The following CHAF1B variants were observed in gnomAD, a reference collection of about 807,000 sequenced individuals.
The protein encoded by CHAF1B is CAF-1 subunit B.
In CHAF1B, 10 loss-of-function variants were observed where a neutral mutation model predicts 60.7. The ratio of observed to expected loss-of-function variants is 0.16; its 90% confidence interval spans 0.10 to 0.28. CHAF1B has a LOEUF of 0.28. CHAF1B is among the 10% of genes least tolerant of loss of function. CHAF1B has a pLI of 1.00. For missense variants in CHAF1B, 558 were observed against 708.4 expected (o/e 0.79, Z 2.41); for synonymous variants, 261 against 266.1 (o/e 0.98, Z 0.19).
intron 10 of CHAF1B, among the ~76,000 whole-genome samples, chr21:36,410,810 G>A (rs765151295): frequency 2.6e-5 from 4 of 151,726 alleles, no homozygotes; most frequent in Non-Finnish European, 2.9e-5. Flanking sequence ...ACAGGTGTGC[G>A]CCACCACACC....
At position 36,394,336 on chromosome 21, in the gene CHAF1B, A is replaced by T. The variant is rs550852887; in HGVS notation, c.378-211A>T. 4.7e-4 allele frequency among the ~76,000 whole-genome samples: 72 copies of T among 152,206 alleles called. 1 individual carries two copies. The highest frequency in any genetic ancestry group is 1.6e-3 in the African/African-American group (68 of 41,514). ...GTGATCTGCCTGCCTCGGCCTCCCA[A>T]AGTGCTGGGATTACAGGCGTGAGCC... On this transcript the variant is annotated intron_variant, in intron 4 of 13. Coordinates refer to ENST00000314103, the MANE Select transcript of CHAF1B (RefSeq NM_005441.3).
At chr21:36,389,798 T>TGCGC (rs1389760338) in intron 3 of CHAF1B, among the ~76,000 whole-genome samples, 325 of 97,608 alleles carry the variant, frequency 3.3e-3, no homozygotes, top group South Asian at 0.013. Flanking sequence ...TGTGTGTGTG[T>TGCGC]GTGCGCGCGC....
chr21:36,399,515 C>T lies in CHAF1B; in HGVS notation c.579-6C>T. On this transcript the variant is annotated splice_polypyrimidine_tract_variant and splice_region_variant and intron_variant, in intron 6 of 13. Transcript: ENST00000314103. ...AAGTGGTAAATCAGACATGTTCTTT[C>T]TTCAGGGTGCTGCGAGTATACAGTA... is the stretch of plus-strand genomic sequence containing the variant. 1.9e-6 allele frequency: 3 copies of T among 1,612,482 alleles called. No homozygotes were observed. Among genetic ancestry groups the T allele is most frequent in the Non-Finnish European group, 1.7e-6 (2 of 1,179,082 alleles).
intron 3 of CHAF1B, among the ~76,000 whole-genome samples, chr21:36,388,347 G>A (rs199898351): frequency 6.6e-6 from 1 of 152,130 alleles, no homozygotes; most frequent in African/African-American, 2.4e-5. Context: ...CAAGCAAGGC[G>A]ACTGTTCTGG....
At chr21:36,408,720 A>G (rs768917269) in intron 8 of CHAF1B, 41 bp from the exon 9 acceptor site, 2 of 1,439,736 alleles carry the variant, frequency 1.4e-6, no homozygotes, top group South Asian at 2.3e-5. Flanking sequence ...TTGCTGAAAC[A>G]GTGACTTTTC....
intron 11 of CHAF1B, among the ~76,000 whole-genome samples, chr21:36,412,282 C>T (rs2086283769): frequency 6.6e-6 from 1 of 152,158 alleles, no homozygotes; most frequent in African/African-American, 2.4e-5. Flanking sequence ...CAAGCTGGGC[C>T]TGTGTAGAGG....
chr21:36,387,681 T>C lies in CHAF1B; in HGVS notation c.210T>C (p.Asn70=), dbSNP rs2086045516. ...SNLARHTKAV[N]VVRFSPTGEI... ...TTGCTCGTCATACCAAAGCCGTCAA[T>C]GTTGTGCGTTTTTCTCCAACTGGGG... The change falls in exon 3 of 14, where the codon AAT becomes AAC. Residue 70 remains asparagine (N), a synonymous_variant. Transcript: ENST00000314103. 1.2e-5 allele frequency: 20 copies of C among 1,614,108 alleles called. No individual in the cohort carries two copies. The highest frequency in any genetic ancestry group is 1.6e-5 in the Non-Finnish European group (19 of 1,180,042).
chr21:36,416,492 A>C lies in CHAF1B; in HGVS notation c.*126A>C. 3.2e-6 allele frequency: 2 copies of C among 633,002 alleles called. No individual in the cohort carries two copies. Among genetic ancestry groups the C allele is most frequent in the Non-Finnish European group, 2.7e-6 (1 of 374,194 alleles). 39.2% of individuals were successfully genotyped at this position (633,002 alleles called of 1,614,324 possible). A position where few individuals can be genotyped will look rare whatever the true frequency, so the allele number is the denominator to read the frequency against. On this transcript the variant is annotated 3_prime_UTR_variant, in exon 14 of 14. Coordinates refer to ENST00000314103, the MANE Select transcript of CHAF1B (RefSeq NM_005441.3). ...CACACTGTAAATGGATTTCTATAAC[A>C]GAAGTGACATGTGTACTGATTTTTC...
intron 11 of CHAF1B, 189 bp from the exon 12 acceptor site, chr21:36,412,695 G>T: frequency 1.6e-6 from 1 of 609,942 alleles, no homozygotes; most frequent in Middle Eastern, 4.4e-4. Flanking sequence ...GCACAGATAG[G>T]TTGCAGCGAC....
chr21:36,387,868 G>A (rs1443276053), intron 3 of CHAF1B, 138 bp downstream of exon 3: 2 of 1,088,464 alleles, frequency 1.8e-6, no homozygotes, highest in Non-Finnish European at 2.6e-6. Flanking sequence ...CCCCAGGCTG[G>A]AGTGCAGTGG....
Position 36,387,612 on chromosome 21 carries a change from A to C in CHAF1B, c.141A>C (p.Glu47Asp). 1.2e-6 allele frequency: 2 copies of C among 1,614,182 alleles called. No homozygotes were observed. The highest frequency in any genetic ancestry group is 1.7e-6 in the Non-Finnish European group (2 of 1,180,018). The change falls in exon 3 of 14, where the codon GAA (glutamate) becomes GAC (aspartate). Residue 47 changes from glutamate to aspartate, a missense_variant. This residue lies in a region of CHAF1B where 325 missense variants were observed against 493.5 expected (regional missense o/e 0.66). Coordinates refer to ENST00000314103, the MANE Select transcript of CHAF1B (RefSeq NM_005441.3). The part of the protein sequence containing the change: ...VDTNVRIWKV[E>D]KGPDGKAIVE... ...GGTATTGACAGATCTGGAAGGTAGA[A>C]AAGGGACCAGATGGAAAAGCCATCG...
rs1408564140 is a variant in CHAF1B, at chr21:36,417,833, C to T, written c.*1467C>T. 9 of 152,198 alleles carry T rather than the reference C, an allele frequency of 5.9e-5. No homozygotes were observed. Among genetic ancestry groups the T allele is most frequent in the Admixed American group, 5.2e-4 (8 of 15,252 alleles). 9.4% of individuals were successfully genotyped at this position (152,198 alleles called of 1,614,324 possible). On this transcript the variant is annotated 3_prime_UTR_variant, in exon 14 of 14. Coordinates refer to ENST00000314103, the MANE Select transcript of CHAF1B (RefSeq NM_005441.3). Reference sequence around the variant, plus strand: ...CATACTGAAATCACCTAAGAGCTGACATACCAGTGCCTGGGTTCCCGCTTC... The same window carrying T: ...CATACTGAAATCACCTAAGAGCTGATATACCAGTGCCTGGGTTCCCGCTTC...
chr21:36,385,966 C>T, intron 1 of CHAF1B, 94 bp from the exon 2 acceptor site: 1 of 681,710 alleles, frequency 1.5e-6, no homozygotes, highest in Middle Eastern at 4.2e-4. Context: ...ACATCCTTTC[C>T]CAATGCAGTG....
chr21:36,410,774 C>T (rs1416921864), intron 10 of CHAF1B, among the ~76,000 whole-genome samples: 1 of 151,810 alleles, frequency 6.6e-6, no homozygotes, highest in African/African-American at 2.4e-5. Flanking sequence ...GAATCTCCCA[C>T]CTCAGCCTCC....
rs2086321110 is a variant in CHAF1B, at chr21:36,416,501, A to G, written c.*135A>G. The G allele has an allele frequency of 3.4e-6, 2 of 581,782 alleles. No homozygotes were observed. The highest frequency in any genetic ancestry group is 3.0e-6 in the Non-Finnish European group (1 of 336,902). The allele number at this position is 581,782 out of a possible 1,614,324, so 36.0% of individuals were successfully genotyped here. ...AATGGATTTCTATAACAGAAGTGAC[A>G]TGTGTACTGATTTTTCTCCAGAAAT... On this transcript the variant is annotated 3_prime_UTR_variant, in exon 14 of 14. Transcript: ENST00000314103.
chr21:36,393,812 A>C (rs1425021663), intron 4 of CHAF1B, among the ~76,000 whole-genome samples: 1 of 152,132 alleles, frequency 6.6e-6, no homozygotes, highest in African/African-American at 2.4e-5. Context: ...GTGCCAGTGG[A>C]AATTTTGGAA....
Position 36,391,655 on chromosome 21 carries a change from G to C in CHAF1B, c.364G>C (p.Val122Leu). 5 of 1,609,950 alleles carry C rather than the reference G, an allele frequency of 3.1e-6. No homozygotes were observed. Among genetic ancestry groups the C allele is most frequent in the Non-Finnish European group, 4.2e-6 (5 of 1,176,512 alleles). ...AQLNKENWTV[V>L]KTLRGHLEDV... ...GCTGAACAAGGAGAACTGGACGGTT[G>C]TGAAGACTCTGCGGTAACTTGGGAG... The change falls in exon 4 of 14, where the codon GTG (valine) becomes CTG (leucine). Residue 122 changes from valine to leucine, a missense_variant. By Grantham distance (32) the Val-to-Leu change is conservative. This residue lies in a region of CHAF1B where 325 missense variants were observed against 493.5 expected (regional missense o/e 0.66). Coordinates refer to ENST00000314103, the MANE Select transcript of CHAF1B (RefSeq NM_005441.3).
At chr21:36,385,917 G>C (rs1270347983) in intron 1 of CHAF1B, 143 bp from the exon 2 acceptor site, 2 of 507,484 alleles carry the variant, frequency 3.9e-6, no homozygotes, top group Non-Finnish European at 7.0e-6. Flanking sequence ...AGCATTTTAG[G>C]TGGAGCTAGC....
rs181441850 is a variant in CHAF1B, at chr21:36,412,445, C to T, written c.1062-439C>T. 2.0e-3 allele frequency among the ~76,000 whole-genome samples: 307 copies of T among 152,180 alleles called. 8 individuals are homozygous for T. In the East Asian group the frequency reaches 0.034, roughly 17 times the overall value. On this transcript the variant is annotated intron_variant, in intron 11 of 13. Transcript: ENST00000314103. ...AACGATCGTGGCTCACTACAACCTC[C>T]GCCTCCTGGGTTCAAGCAATTCTCC...
Sources: gnomAD v4.1 joint callset for allele counts (sites outside exome capture counted in the v4.1 genomes callset) on GRCh38, gnomAD v4.1.1 for gene constraint, gnomAD v4.1.1 regional missense constraint, MANE v1.5 for transcripts, NCBI Gene and HGNC (gene_info 2026-07-23, HGNC 2026-07-21) for gene names.